The following FABP12 variants were observed in gnomAD, a reference collection of about 807,000 sequenced individuals.
FABP12 encodes fatty acid-binding protein 12.
FABP12 carries 19 observed loss-of-function variants against 13.7 expected under a neutral mutation model. The ratio of observed to expected loss-of-function variants is 1.39; its 90% CI spans 0.97 to 2.04. The LOEUF is 2.04. Ranked by LOEUF, FABP12 falls within the 30% of genes most tolerant of loss-of-function variation. FABP12 has a pLI of 0.00. For missense variants in FABP12, 182 were observed against 164.2 expected, an observed-to-expected ratio of 1.11 and a Z score of -0.59; for synonymous variants, 61 against 57.0, an observed-to-expected ratio of 1.07 and a Z score of -0.32.
intron 1 of FABP12, among the ~76,000 whole-genome samples, chr8:81,551,997 G>A (rs1409291003): frequency 2.0e-5 from 3 of 152,112 alleles, no homozygotes; most frequent in Non-Finnish European, 4.4e-5. Flanking sequence ...CGAGGTCCTT[G>A]TAATACAATG....
intron 1 of FABP12, among the ~76,000 whole-genome samples, chr8:81,542,664 C>A (rs1286775087): frequency 6.6e-6 from 1 of 152,170 alleles, no homozygotes; most frequent in Non-Finnish European, 1.5e-5. Flanking sequence ...AGAGTGTACT[C>A]AAGTTGCCAG....
intron 1 of FABP12, among the ~76,000 whole-genome samples, chr8:81,547,771 C>A (rs894666789): frequency 2.6e-5 from 4 of 152,138 alleles, no homozygotes; most frequent in African/African-American, 9.7e-5. Context: ...GATGAGAACA[C>A]CAACTTTTGA....
At chr8:81,533,556 G>T (rs992021895) in intron 1 of FABP12, among the ~76,000 whole-genome samples, 2 of 152,140 alleles carry the variant, frequency 1.3e-5, no homozygotes, top group African/African-American at 4.8e-5. Flanking sequence ...TTTGTCCATT[G>T]ATATGATTTT....
chr8:81,573,755 G>A (rs1809976501), intron 1 of FABP12, among the ~76,000 whole-genome samples: 1 of 151,978 alleles, frequency 6.6e-6, no homozygotes. Context: ...TTCTCTGCTT[G>A]TTCACTCTTG....
chr8:81,578,823 G>A (rs1309224999), intron 1 of FABP12, among the ~76,000 whole-genome samples: 1 of 105,664 alleles, frequency 9.5e-6, no homozygotes, highest in Non-Finnish European at 1.8e-5. Context: ...ATTTGTTCAA[G>A]TTTTTTTTTT....
At chr8:81,576,518 CAA>C (rs869189184) in intron 1 of FABP12, among the ~76,000 whole-genome samples, 1 of 150,196 alleles carries the variant, frequency 6.7e-6, no homozygotes, top group Middle Eastern at 3.4e-3. Flanking sequence ...CACAAACACA[CAA>C]ACACACACAC....
intron 1 of FABP12, among the ~76,000 whole-genome samples, chr8:81,588,334 G>A (rs1585863181): frequency 1.3e-5 from 2 of 152,118 alleles, no homozygotes; most frequent in African/African-American, 2.4e-5. Flanking sequence ...TTCCTATTTG[G>A]ATGCCTGTTA....
chr8:81,529,580 C>A (rs377161218), exon 3 of FABP12: 2 of 1,613,828 alleles, frequency 1.2e-6, no homozygotes, highest in East Asian at 2.2e-5. Flanking sequence ...TTTTGCCAAA[C>A]GGCCCAGTTT....
intron 4 of FABP12, among the ~76,000 whole-genome samples, chr8:81,525,497 C>G (rs948531223): frequency 2.1e-5 from 3 of 142,418 alleles, no homozygotes; most frequent in Non-Finnish European, 4.5e-5. Context: ...GCCTGGATGA[C>G]AGAGTAAGAC....
intron 1 of FABP12, among the ~76,000 whole-genome samples, chr8:81,558,696 C>A (rs1159204080): frequency 6.6e-6 from 1 of 151,988 alleles, no homozygotes; most frequent in Non-Finnish European, 1.5e-5. Flanking sequence ...TCGAGACCAG[C>A]CTGACCAACA....
chr8:81,555,973 T>A (rs1323162016), intron 1 of FABP12, among the ~76,000 whole-genome samples: 1 of 152,132 alleles, frequency 6.6e-6, no homozygotes, highest in African/African-American at 2.4e-5. Context: ...ATGTAGGAAA[T>A]GAAATGGTGA....
intron 1 of FABP12, among the ~76,000 whole-genome samples, chr8:81,557,005 G>T (rs1478838509): frequency 6.6e-6 from 1 of 150,544 alleles, no homozygotes; most frequent in African/African-American, 2.4e-5. Flanking sequence ...CTCTTGGGTA[G>T]CTGGGATTAC....
chr8:81,560,149 G>A (rs1809698133), intron 1 of FABP12, among the ~76,000 whole-genome samples: 1 of 152,120 alleles, frequency 6.6e-6, no homozygotes, highest in South Asian at 2.1e-4. Context: ...ATGGTCTCCA[G>A]GTACAATGAG....
chr8:81,561,040 G>A (rs1182678839), intron 1 of FABP12, among the ~76,000 whole-genome samples: 1 of 152,180 alleles, frequency 6.6e-6, no homozygotes, highest in East Asian at 1.9e-4. Flanking sequence ...TGTATCACAT[G>A]TCTTTTCTAA....
At chr8:81,570,591 C>A (rs76395488) in intron 1 of FABP12, among the ~76,000 whole-genome samples, 16,747 of 152,030 alleles carry the variant, frequency 0.11, 1,118 homozygotes, top group East Asian at 0.26. Context: ...AGAGAGGGTA[C>A]CTCTCTGCAG....
At chr8:81,526,143 G>A (rs1808893283) in intron 4 of FABP12, 1 of 152,086 alleles carries the variant, frequency 6.6e-6, no homozygotes, top group Admixed American at 6.6e-5. Context: ...ACTCTTCATT[G>A]TAGAAAGAAA....
At chr8:81,529,276 C>G (rs1241723893) in intron 3 of FABP12, 162 bp downstream of exon 3, 3 of 711,034 alleles carry the variant, frequency 4.2e-6, no homozygotes, top group Non-Finnish European at 7.0e-6. Flanking sequence ...ACAAGCATCC[C>G]AGAAGATTTG....
chr8:81,533,310 G>A (rs1317734426), intron 1 of FABP12: 1 of 152,160 alleles, frequency 6.6e-6, no homozygotes, highest in Non-Finnish European at 1.5e-5. Flanking sequence ...TGTGATTGAT[G>A]CTTTCTAGTG....
intron 1 of FABP12, among the ~76,000 whole-genome samples, chr8:81,576,210 G>A (rs79593561): frequency 0.053 from 8,129 of 152,054 alleles, 251 homozygotes; most frequent in South Asian, 0.1. Flanking sequence ...TCTCAAATAA[G>A]AAGCACAAAA....
Sources: allele counts gnomAD v4.1 joint callset (sites outside exome capture counted in the v4.1 genomes callset), GRCh38; gene constraint gnomAD v4.1.1; transcripts MANE v1.5; gene names NCBI Gene and HGNC (gene_info 2026-07-23, HGNC 2026-07-21).